The following OTOGL variants were observed in gnomAD, a reference collection of about 807,000 sequenced individuals.
OTOGL encodes the protein otogelin like, also known as otogelin-like protein.
A neutral mutation model predicts 318.5 loss-of-function variants in OTOGL; 285 were observed. That is an observed-to-expected ratio of 0.89 (90% CI 0.81 to 0.99). The LOEUF (loss-of-function observed/expected upper bound fraction) is 0.99, where lower values mean the gene tolerates loss of function less well. Among genes scored for constraint, OTOGL ranks in the 50% least tolerant of loss-of-function variants. The pLI is 0.00. For synonymous variants in OTOGL, 987 were observed against 936.5 expected (o/e 1.05, Z -0.99); for missense variants, 2,899 against 2,845.6 (o/e 1.02, Z -0.43).
intron 1 of OTOGL, among the ~76,000 whole-genome samples, chr12:80,186,290 C>T (rs1177120019): frequency 6.6e-6 from 1 of 152,166 alleles, no homozygotes; most frequent in Non-Finnish European, 1.5e-5. Context: ...CCCTTTCTCC[C>T]TATATCAAGT....
chr12:80,157,814 T>A (rs2137184729), intron 1 of OTOGL, among the ~76,000 whole-genome samples: 1 of 152,128 alleles, frequency 6.6e-6, no homozygotes, highest in East Asian at 1.9e-4. Flanking sequence ...GTGACAGTGG[T>A]TTCTTGCTGC....
At chr12:80,139,910 A>G (rs911404756) in intron 1 of OTOGL, among the ~76,000 whole-genome samples, 4 of 152,146 alleles carry the variant, frequency 2.6e-5, no homozygotes, top group Non-Finnish European at 4.4e-5. Context: ...AACATCCTAC[A>G]CTGACTATTC....
intron 38 of OTOGL, among the ~76,000 whole-genome samples, chr12:80,335,507 C>T (rs1888333820): frequency 6.6e-6 from 1 of 151,940 alleles, no homozygotes; most frequent in African/African-American, 2.4e-5. Flanking sequence ...TATGATTATA[C>T]ACTCTAGGTG....
chr12:80,163,514 G>T (rs902885038), intron 1 of OTOGL, among the ~76,000 whole-genome samples: 1 of 152,000 alleles, frequency 6.6e-6, no homozygotes, highest in Non-Finnish European at 1.5e-5. Flanking sequence ...GAATAATATG[G>T]CATAGTGGAG....
At chr12:80,311,548 G>A (rs1269097971) in intron 30 of OTOGL, among the ~76,000 whole-genome samples, 1 of 145,810 alleles carries the variant, frequency 6.9e-6, no homozygotes, top group South Asian at 2.1e-4. Context: ...TCAGCCTCCC[G>A]AGTAGCTGGG....
rs527970283 is a variant in OTOGL at position 80,365,388 on chromosome 12, G to A, written c.6268-1186G>A. On this transcript the variant is annotated intron_variant, in intron 52 of 58. Coordinates refer to ENST00000547103, the MANE Select transcript of OTOGL (RefSeq NM_001378609.3). ...TCCTTTTGGTCAAATTTGCAACTTAGAATAAAAGCATAATTGAATACGTGG... is the reference window on the plus strand; with the variant it reads ...TCCTTTTGGTCAAATTTGCAACTTAAAATAAAAGCATAATTGAATACGTGG... Among the ~76,000 whole-genome samples the A allele has an allele frequency of 5.9e-5, 9 of 152,040 alleles. No individual in the cohort carries two copies. In the South Asian group the frequency reaches 1.9e-3, roughly 32 times the overall value.
At chr12:80,224,933 A>G (rs1262326200) in intron 7 of OTOGL, among the ~76,000 whole-genome samples, 1 of 152,078 alleles carries the variant, frequency 6.6e-6, no homozygotes, top group African/African-American at 2.4e-5. Flanking sequence ...TAAATGTTTG[A>G]GGGGATGCAT....
intron 5 of OTOGL, among the ~76,000 whole-genome samples, chr12:80,219,036 C>A (rs1485159802): frequency 6.6e-6 from 1 of 152,060 alleles, no homozygotes; most frequent in East Asian, 1.9e-4. Flanking sequence ...AATGTTTAAT[C>A]ATTCTCTTCA....
intron 44 of OTOGL, among the ~76,000 whole-genome samples, chr12:80,344,023 G>GC (rs1889005628): frequency 6.6e-6 from 1 of 152,156 alleles, no homozygotes; most frequent in African/African-American, 2.4e-5. Flanking sequence ...TTTTGATGCT[G>GC]CCCTACGCGT....
chr12:80,126,935 C>T (rs1592473541), intron 1 of OTOGL, among the ~76,000 whole-genome samples: 2 of 152,118 alleles, frequency 1.3e-5, no homozygotes, highest in African/African-American at 2.4e-5. Context: ...CTACGTGTGT[C>T]TCTGCACATG....
At position 80,295,383 on chromosome 12, in the gene OTOGL, G is replaced by A. The variant is rs183285659; in HGVS notation, c.2929-1444G>A. On this transcript the variant is annotated intron_variant, in intron 26 of 58. Transcript: ENST00000547103. ...GTAGAGACTGGGTTTTGCCATGTTGGCCAGGCTGGTCTTGAACTCCTGATC... is the reference window on the plus strand; with the variant it reads ...GTAGAGACTGGGTTTTGCCATGTTGACCAGGCTGGTCTTGAACTCCTGATC... Among the ~76,000 whole-genome samples, 5 of 152,108 alleles carry A rather than the reference G, an allele frequency of 3.3e-5. No individual in the cohort carries two copies. In the East Asian group the frequency reaches 9.7e-4, roughly 29 times the overall value.
chr12:80,285,781 A>T (rs904936651), intron 26 of OTOGL, among the ~76,000 whole-genome samples: 1 of 152,100 alleles, frequency 6.6e-6, no homozygotes, highest in Non-Finnish European at 1.5e-5. Flanking sequence ...GGCTGAGATG[A>T]TGGGATTTTC....
At chr12:80,145,522 G>A (rs1444742636) in intron 1 of OTOGL, among the ~76,000 whole-genome samples, 3 of 151,788 alleles carry the variant, frequency 2.0e-5, no homozygotes, top group African/African-American at 7.3e-5. Flanking sequence ...TTTGGCTTAG[G>A]ATTGACTTGG....
chr12:80,168,973 A>G (rs1339731990), intron 1 of OTOGL, among the ~76,000 whole-genome samples: 1 of 152,166 alleles, frequency 6.6e-6, no homozygotes, highest in African/African-American at 2.4e-5. Context: ...TTCATCCCCA[A>G]AGTTTCACAT....
In OTOGL at chr12:80,358,609, T is replaced by C. The variant is rs562527959; in HGVS notation, c.6122-62T>C. 4.7e-6 allele frequency: 6 copies of C among 1,285,480 alleles called. No homozygotes were observed. In the African/African-American group the frequency reaches 7.4e-5, roughly 16 times the overall value. The allele number at this position is 1,285,480 out of a possible 1,614,324, so 79.6% of individuals were successfully genotyped here. ...ATTGTAATGGCAGTGAACTAAATGG[T>C]AGGTAATGAGAAATGGCAACTCTAT... On this transcript the variant is annotated intron_variant, in intron 50 of 58. Coordinates refer to ENST00000547103, the MANE Select transcript of OTOGL (RefSeq NM_001378609.3).
At chr12:80,115,518 TG>T (rs1017569291) in intron 1 of OTOGL, among the ~76,000 whole-genome samples, 1 of 152,092 alleles carries the variant, frequency 6.6e-6, no homozygotes, top group Non-Finnish European at 1.5e-5. Flanking sequence ...TCAGTAGGCA[TG>T]GGGGTCAGGG....
chr12:80,103,205 G>C, intron 1 of OTOGL: 1 of 1,417,426 alleles, frequency 7.1e-7, no homozygotes. Flanking sequence ...TGGATCGCTC[G>C]TTGTACTTCT....
intron 11 of OTOGL, among the ~76,000 whole-genome samples, chr12:80,243,730 A>G (rs932388151): frequency 2.0e-5 from 3 of 150,618 alleles, no homozygotes; most frequent in African/African-American, 7.3e-5. Context: ...TGAAATGACA[A>G]AATGTCGAAG....
At chr12:80,342,216 A>G (rs1888824806) in intron 44 of OTOGL, 54 bp downstream of exon 44, 14 of 1,348,612 alleles carry the variant, frequency 1.0e-5, no homozygotes, top group African/African-American at 1.5e-5. Context: ...GTTGAGAGTA[A>G]AAGCCAATAC....
Sources: gnomAD v4.1 joint callset for allele counts (sites outside exome capture counted in the v4.1 genomes callset) on GRCh38, gnomAD v4.1.1 for gene constraint, MANE v1.5 for transcripts, NCBI Gene and HGNC (gene_info 2026-07-23, HGNC 2026-07-21) for gene names.